TPO: variants seen among roughly 807,000 people sequenced by gnomAD.
TPO encodes thyroid microsomal antigen.
In TPO, 78 loss-of-function variants were observed where a neutral mutation model predicts 96.9. That is an observed-to-expected ratio of 0.81 (90% CI 0.67 to 0.97). The LOEUF (loss-of-function observed/expected upper bound fraction) is 0.97, where lower values mean the gene tolerates loss of function less well. Ranked by LOEUF, TPO falls within the 50% of genes least tolerant of loss-of-function variation. The pLI is 0.00. For synonymous variants in TPO, 547 were observed against 538.0 expected (o/e 1.02, Z -0.23); for missense variants, 1,252 against 1,274.8 (o/e 0.98, Z 0.27).
At chr2:1,470,029 A>T (rs781323256) in intron 7 of TPO, among the ~76,000 whole-genome samples, 1 of 152,218 alleles carries the variant, frequency 6.6e-6, no homozygotes, top group Non-Finnish European at 1.5e-5. Flanking sequence ...TTGGAATTTT[A>T]ATAGGTACTC....
chr2:1,422,949 T>TC, intron 2 of TPO, 96 bp from the exon 3 acceptor site: 1 of 1,368,942 alleles, frequency 7.3e-7, no homozygotes, highest in Non-Finnish European at 1.0e-6. Flanking sequence ...CACGTGGGCA[T>TC]CACCGCAGCA....
At chr2:1,388,438 G>A (rs957351017) in intron 1 of TPO, among the ~76,000 whole-genome samples, 68 of 152,274 alleles carry the variant, frequency 4.5e-4, no homozygotes, top group Middle Eastern at 3.4e-3. Context: ...CCTCGCTGCC[G>A]CCTTGCAGTT....
At chr2:1,452,449 G>A (rs994536213) in intron 5 of TPO, among the ~76,000 whole-genome samples, 10 of 152,188 alleles carry the variant, frequency 6.6e-5, no homozygotes, top group Non-Finnish European at 1.5e-5. Context: ...CTCCTCAAAA[G>A]TATTCCACTT....
chr2:1,397,088 C>T lies in TPO; in HGVS notation n.180+22686C>T, dbSNP rs192174366. On this transcript the variant is annotated intron_variant and non_coding_transcript_variant, in intron 1 of 5. Coordinates refer to the TPO transcript ENST00000497517. Reference sequence around the variant, plus strand: ...ATTTTCGTCATCTGAAAGGTGGAAACAATAGTAGGTGCCTCATAAAGATGC... The same window carrying T: ...ATTTTCGTCATCTGAAAGGTGGAAATAATAGTAGGTGCCTCATAAAGATGC... Among the ~76,000 whole-genome samples the T allele has an allele frequency of 2.0e-5, 3 of 152,258 alleles. No homozygotes were observed. In the East Asian group the frequency reaches 5.8e-4, roughly 29 times the overall value.
chr2:1,416,784 T>C (rs564562120), intron 2 of TPO, among the ~76,000 whole-genome samples: 89 of 152,340 alleles, frequency 5.8e-4, no homozygotes, highest in Non-Finnish European at 1.2e-3. Flanking sequence ...GTTTGGAAAA[T>C]GATGCCCAAT....
intron 3 of TPO, among the ~76,000 whole-genome samples, chr2:1,431,209 G>T (rs180907336): frequency 1.7e-4 from 26 of 152,276 alleles, no homozygotes; most frequent in African/African-American, 2.6e-4. Context: ...TGATGAGTCA[G>T]TTCTTGCCCA....
intron 3 of TPO, among the ~76,000 whole-genome samples, chr2:1,424,023 G>A (rs988598276): frequency 2.6e-5 from 4 of 152,182 alleles, no homozygotes; most frequent in Non-Finnish European, 1.5e-5. Flanking sequence ...ATCTAAGACA[G>A]ATCTCAGTCA....
At chr2:1,541,497 C>T (rs1680765580) in intron 16 of TPO, 1 of 154,284 alleles carries the variant, frequency 6.5e-6, no homozygotes, top group Admixed American at 6.4e-5. Context: ...GCTGGGTCTA[C>T]AGGCGCTCAC....
At chr2:1,422,395 G>GACCGACCTCGTGCAGCC (rs1163151839) in intron 2 of TPO, among the ~76,000 whole-genome samples, 1 of 151,460 alleles carries the variant, frequency 6.6e-6, no homozygotes, top group Admixed American at 6.6e-5. Context: ...CGCCGCGCTG[G>GACCGACCTCGTGCAGCC]GCCATGGGGA....
rs868486952 is a variant in TPO at position 1,477,593 on chromosome 2, G to A, written c.1327G>A (p.Ala443Thr). The change falls in exon 8 of 17, where the codon GCT (alanine) becomes ACT (threonine). Residue 443 changes from alanine to threonine, a missense_variant. Transcript: ENST00000329066. ...CCAGGAGGCGCGCAAGGTCGTGGGC[G>A]CTCTGCACCAGGTGCGCGGGGTGGT... is the stretch of plus-strand genomic sequence containing the variant. ...VYQEARKVVG[A>T]LHQIITLRDY... 2.6e-6 allele frequency: 4 copies of A among 1,529,106 alleles called. No individual in the cohort carries two copies. Among genetic ancestry groups the A allele is most frequent in the Non-Finnish European group, 1.7e-6 (2 of 1,143,870 alleles). 94.7% of individuals were successfully genotyped at this position (1,529,106 alleles called of 1,614,324 possible).
chr2:1,536,694 A>C (rs1326199662), intron 15 of TPO, among the ~76,000 whole-genome samples: 2 of 67,704 alleles, frequency 3.0e-5, no homozygotes, highest in Non-Finnish European at 5.1e-5. Context: ...TGCAACCTCC[A>C]TAAATCCAAC....
intron 1 of TPO, among the ~76,000 whole-genome samples, chr2:1,394,955 T>C (rs1321982536): frequency 1.3e-5 from 2 of 152,166 alleles, no homozygotes; most frequent in African/African-American, 4.8e-5. Flanking sequence ...CCCTGAGGCT[T>C]CCGCTTCCCT....
intron 7 of TPO, among the ~76,000 whole-genome samples, chr2:1,473,554 TTTAAAA>T (rs1669629044): frequency 6.6e-6 from 1 of 152,238 alleles, no homozygotes; most frequent in Admixed American, 6.5e-5. Flanking sequence ...TCATATAAAC[TTTAAAA>T]TTAATTTATC....
chr2:1,518,016 C>A (rs75511172), intron 15 of TPO, among the ~76,000 whole-genome samples: 1 of 152,070 alleles, frequency 6.6e-6, no homozygotes, highest in Non-Finnish European at 1.5e-5. Flanking sequence ...CCTGCAGTCA[C>A]CTTCGCCCTC....
chr2:1,479,435 C>T (rs1247802303), intron 8 of TPO, among the ~76,000 whole-genome samples: 1 of 152,246 alleles, frequency 6.6e-6, no homozygotes, highest in Non-Finnish European at 1.5e-5. Flanking sequence ...CCTGCCCCTT[C>T]TGTCTCCTCA....
At chr2:1,479,591 C>T (rs1670340970) in intron 8 of TPO, among the ~76,000 whole-genome samples, 1 of 152,126 alleles carries the variant, frequency 6.6e-6, no homozygotes, top group South Asian at 2.1e-4. Flanking sequence ...TCTTTCTTCT[C>T]CATGGAGTTC....
chr2:1,437,851 C>T (rs1023554349), intron 5 of TPO, among the ~76,000 whole-genome samples: 2 of 151,864 alleles, frequency 1.3e-5, no homozygotes, highest in African/African-American at 4.8e-5. Flanking sequence ...GGGGTCTGTG[C>T]CTTCCCGTGG....
intron 13 of TPO, among the ~76,000 whole-genome samples, chr2:1,501,391 G>A (rs902252381): frequency 2.0e-5 from 3 of 152,268 alleles, no homozygotes; most frequent in Non-Finnish European, 2.9e-5. Context: ...TGTCGGGAGC[G>A]CTGCTCTTCA....
intron 5 of TPO, among the ~76,000 whole-genome samples, chr2:1,437,406 G>A (rs1514684): frequency 0.27 from 40,744 of 151,996 alleles, 5,796 homozygotes; most frequent in South Asian, 0.4. Context: ...AAAGGGACTC[G>A]AGCTCCTCAC....
Sources: gnomAD v4.1 joint callset for allele counts (sites outside exome capture counted in the v4.1 genomes callset) on GRCh38, gnomAD v4.1.1 for gene constraint, MANE v1.5 for transcripts, NCBI Gene and HGNC (gene_info 2026-07-23, HGNC 2026-07-21) for gene names.